Variants in PIP5K1B observed in about 807,000 individuals in gnomAD.
PIP5K1B encodes the protein phosphatidylinositol-4-phosphate 5-kinase type 1 beta.
A neutral mutation model predicts 67.0 loss-of-function variants in PIP5K1B; 42 were observed. The ratio of observed to expected loss-of-function variants is 0.63; its 90% CI spans 0.49 to 0.81. PIP5K1B has a LOEUF of 0.81. PIP5K1B is among the 30% of genes least tolerant of loss of function. The pLI, the probability that PIP5K1B is intolerant of heterozygous loss-of-function variation, is 0.00. For synonymous variants in PIP5K1B, 214 were observed against 231.4 expected (o/e 0.92, Z 0.68); for missense variants, 459 against 646.3 (o/e 0.71, Z 3.14).
intron 14 of PIP5K1B, among the ~76,000 whole-genome samples, chr9:68,981,551 A>G (rs1829882274): frequency 6.6e-6 from 1 of 152,190 alleles, no homozygotes; most frequent in South Asian, 2.1e-4. Flanking sequence ...TATGATGTTT[A>G]TTACTTCGAT....
Position 69,007,586 on chromosome 9 carries a change from G to A in PIP5K1B, c.1621-861G>A, listed in dbSNP as rs555232606. Among the ~76,000 whole-genome samples, 17 of 152,282 alleles carry A rather than the reference G, an allele frequency of 1.1e-4. No homozygotes were observed. In the East Asian group the frequency reaches 1.2e-3, roughly 10 times the overall value. On this transcript the variant is annotated intron_variant, in intron 15 of 15. Transcript: ENST00000265382. ...ATAATTAGGAAATCAGGCCGGGTGAGGTGGCTCACGCCTGTAATCCCAGCA... is the reference window on the plus strand; with the variant it reads ...ATAATTAGGAAATCAGGCCGGGTGAAGTGGCTCACGCCTGTAATCCCAGCA...
chr9:68,838,697 C>A (rs1024039818), intron 4 of PIP5K1B, among the ~76,000 whole-genome samples: 1 of 152,222 alleles, frequency 6.6e-6, no homozygotes, highest in East Asian at 1.9e-4. Flanking sequence ...ACCTCAGCAT[C>A]GCACATTATA....
At chr9:68,773,084 C>G (rs17482181) in intron 2 of PIP5K1B, among the ~76,000 whole-genome samples, 42,462 of 152,138 alleles carry the variant, frequency 0.28, 6,217 homozygotes, top group Admixed American at 0.33. Context: ...TCTTTCTTTG[C>G]TATGTCTTGC....
chr9:68,735,080 G>A (rs1303452630), intron 1 of PIP5K1B, among the ~76,000 whole-genome samples: 13 of 152,144 alleles, frequency 8.5e-5, no homozygotes, highest in Admixed American at 8.5e-4. Context: ...AGATGGAGGA[G>A]CCTTTGATGA....
intron 14 of PIP5K1B, among the ~76,000 whole-genome samples, chr9:68,982,398 C>A (rs4745451): frequency 0.65 from 98,075 of 152,052 alleles, 34,829 homozygotes; most frequent in Non-Finnish European, 0.79. Context: ...AAAGTCAGAA[C>A]TGAGGAGCAA....
chr9:68,808,988 T>C (rs973487508), intron 2 of PIP5K1B, among the ~76,000 whole-genome samples: 4 of 152,232 alleles, frequency 2.6e-5, no homozygotes, highest in Non-Finnish European at 4.4e-5. Context: ...CTTCTAAGCA[T>C]ACAAATGTGT....
chr9:68,793,513 A>G (rs1564140680), intron 2 of PIP5K1B, among the ~76,000 whole-genome samples: 1 of 152,144 alleles, frequency 6.6e-6, no homozygotes, highest in African/African-American at 2.4e-5. Flanking sequence ...GAACCAACAG[A>G]TTTTGCTGGT....
At chr9:68,813,041 G>T (rs1833253317) in intron 2 of PIP5K1B, among the ~76,000 whole-genome samples, 1 of 152,204 alleles carries the variant, frequency 6.6e-6, no homozygotes, top group East Asian at 1.9e-4. Context: ...TAAGCAGTAA[G>T]CAATACAGTA....
chr9:68,908,534 A>G (rs981516796), intron 8 of PIP5K1B, among the ~76,000 whole-genome samples: 19 of 152,056 alleles, frequency 1.2e-4, no homozygotes, highest in African/African-American at 4.6e-4. Context: ...CAAAACAAGG[A>G]TTTAATATTT....
intron 6 of PIP5K1B, among the ~76,000 whole-genome samples, chr9:68,883,120 T>C (rs1245996717): frequency 6.6e-6 from 1 of 152,224 alleles, no homozygotes; most frequent in African/African-American, 2.4e-5. Flanking sequence ...GTAGATATTA[T>C]TACCTTTATT....
chr9:68,824,305 G>GA, intron 4 of PIP5K1B: 2 of 513,574 alleles, frequency 3.9e-6, no homozygotes, highest in Admixed American at 2.0e-5. Flanking sequence ...AAAAGTTATA[G>GA]AAAAAATGTG....
chr9:68,764,833 T>C (rs1339051745), intron 2 of PIP5K1B, among the ~76,000 whole-genome samples: 1 of 152,134 alleles, frequency 6.6e-6, no homozygotes, highest in Admixed American at 6.5e-5. Context: ...GATTTTGTAA[T>C]TGATTTTGAA....
At chr9:68,890,101 T>G (rs1364361192) in intron 7 of PIP5K1B, among the ~76,000 whole-genome samples, 1 of 152,190 alleles carries the variant, frequency 6.6e-6, no homozygotes, top group Non-Finnish European at 1.5e-5. Flanking sequence ...CTCCAGAGAA[T>G]GCATTTTTAA....
intron 12 of PIP5K1B, among the ~76,000 whole-genome samples, chr9:68,923,602 A>G (rs1249536612): frequency 6.6e-6 from 1 of 152,180 alleles, no homozygotes; most frequent in East Asian, 1.9e-4. Flanking sequence ...TAAATGTCCA[A>G]CCATATAATA....
intron 8 of PIP5K1B, among the ~76,000 whole-genome samples, chr9:68,895,431 G>A (rs1274039580): frequency 1.3e-5 from 2 of 152,166 alleles, no homozygotes; most frequent in East Asian, 3.8e-4. Flanking sequence ...GTGGAGGTGG[G>A]CAGAAAGCAT....
intron 14 of PIP5K1B, among the ~76,000 whole-genome samples, chr9:68,977,905 C>T (rs997586942): frequency 2.6e-5 from 4 of 152,192 alleles, no homozygotes; most frequent in African/African-American, 9.6e-5. Flanking sequence ...CCTTGGCCTC[C>T]CAAAGTGCTG....
chr9:68,961,539 G>C (rs1828748466), intron 14 of PIP5K1B, among the ~76,000 whole-genome samples: 1 of 152,206 alleles, frequency 6.6e-6, no homozygotes, highest in African/African-American at 2.4e-5. Context: ...CTTGTCATCT[G>C]TGGGTTTCAC....
intron 6 of PIP5K1B, among the ~76,000 whole-genome samples, chr9:68,885,824 A>G (rs1824439899): frequency 6.6e-6 from 1 of 152,200 alleles, no homozygotes; most frequent in Non-Finnish European, 1.5e-5. Context: ...TTGTACCCCT[A>G]AAGCTATTGA....
At chr9:68,816,371 C>T (rs921143746) in intron 2 of PIP5K1B, among the ~76,000 whole-genome samples, 6 of 152,234 alleles carry the variant, frequency 3.9e-5, no homozygotes, top group South Asian at 2.1e-4. Context: ...TCAGGTGATC[C>T]GCCCACCTCC....
Sources: gnomAD v4.1 joint callset for allele counts (sites outside exome capture counted in the v4.1 genomes callset) on GRCh38, gnomAD v4.1.1 for gene constraint, MANE v1.5 for transcripts, NCBI Gene and HGNC (gene_info 2026-07-23, HGNC 2026-07-21) for gene names.